The following PDILT variants were observed in gnomAD, a reference collection of about 807,000 sequenced individuals.
The protein encoded by PDILT is protein disulfide-isomerase-like protein of the testis.
Under a neutral mutation model 53.7 loss-of-function variants are expected in PDILT, and 43 were observed. The ratio of observed to expected loss-of-function variants is 0.80; its 90% confidence interval spans 0.63 to 1.03. The LOEUF (loss-of-function observed/expected upper bound fraction) is 1.03, where lower values mean the gene tolerates loss of function less well. PDILT is among the 50% of genes least tolerant of loss of function. PDILT has a pLI of 0.00. For synonymous variants in PDILT, 282 were observed against 274.2 expected (o/e 1.03, Z -0.28); for missense variants, 727 against 712.3 (o/e 1.02, Z -0.24).
rs186271924 is a variant in PDILT, at chr16:20,364,498, G to A, written c.1237+922C>T. On this transcript the variant is annotated intron_variant, in intron 9 of 11. Coordinates refer to ENST00000302451, the MANE Select transcript of PDILT (RefSeq NM_174924.2). Reference sequence around the variant, plus strand: ...TGGGGTTCCCTGATCTGTGACATGGGGAAAACCACCATACCTTCCTCACAA... The same window carrying A: ...TGGGGTTCCCTGATCTGTGACATGGAGAAAACCACCATACCTTCCTCACAA... Among the ~76,000 whole-genome samples the A allele has an allele frequency of 5.7e-3, 873 of 152,240 alleles. 5 individuals carry two copies. Among genetic ancestry groups the A allele is most frequent in the African/African-American group, 0.02 (832 of 41,526 alleles).
At chr16:20,376,640 CAA>C (rs1966392842) in intron 3 of PDILT, among the ~76,000 whole-genome samples, 1 of 152,098 alleles carries the variant, frequency 6.6e-6, no homozygotes, top group Admixed American at 6.5e-5. Flanking sequence ...TTTAAAATCT[CAA>C]TAAAATATAA....
chr16:20,368,744 C>T (rs1239962807), intron 8 of PDILT, among the ~76,000 whole-genome samples: 1 of 152,032 alleles, frequency 6.6e-6, no homozygotes, highest in Non-Finnish European at 1.5e-5. Flanking sequence ...TACAGATGCA[C>T]ACCACCACAC....
intron 9 of PDILT, among the ~76,000 whole-genome samples, chr16:20,364,526 T>C (rs531482947): frequency 3.5e-3 from 540 of 152,310 alleles, no homozygotes; most frequent in Non-Finnish European, 6.7e-3. Flanking sequence ...CCTCACAAAC[T>C]TGTTACACAG....
chr16:20,375,494 A>G (rs559595527), intron 4 of PDILT, among the ~76,000 whole-genome samples: 1 of 152,358 alleles, frequency 6.6e-6, no homozygotes, highest in Admixed American at 6.5e-5. Context: ...GAATTAGGAC[A>G]CATGAGAAAC....
rs530209908 is a variant in PDILT at position 20,401,230 on chromosome 16, C to T, written c.-7-1923G>A. ...ATGATCTCAAGGTCCCAGAATTCAC[C>T]AGGTGTTATGCCACTTATCAGCCCG... On this transcript the variant is annotated intron_variant, in intron 1 of 11. Transcript: ENST00000302451. Among the ~76,000 whole-genome samples the T allele has an allele frequency of 9.2e-5, 14 of 152,330 alleles. No homozygotes were observed. In the South Asian group the frequency reaches 2.9e-3, roughly 32 times the overall value.
intron 8 of PDILT, among the ~76,000 whole-genome samples, chr16:20,369,200 T>C (rs1450124397): frequency 6.6e-6 from 1 of 152,244 alleles, no homozygotes; most frequent in East Asian, 1.9e-4. Flanking sequence ...AAGAGCCTCC[T>C]TTCAGAGTGC....
chr16:20,365,268 A>G, intron 9 of PDILT, 152 bp downstream of exon 9: 1 of 821,570 alleles, frequency 1.2e-6, no homozygotes, highest in Non-Finnish European at 2.0e-6. Context: ...TCCTGATAGC[A>G]TCTTGAGTCA....
chr16:20,360,869 C>T (rs935708442), intron 10 of PDILT, among the ~76,000 whole-genome samples: 4 of 152,334 alleles, frequency 2.6e-5, no homozygotes, highest in Non-Finnish European at 4.4e-5. Flanking sequence ...TGGATCAAAG[C>T]ACGGACTGTA....
At position 20,391,898 on chromosome 16, in the gene PDILT, C is replaced by T. The variant is rs1004340294; in HGVS notation, c.203-7047G>A. Among the ~76,000 whole-genome samples the T allele has an allele frequency of 4.6e-5, 7 of 151,514 alleles. No individual in the cohort carries two copies. The East Asian group carries it at 6.0e-4, about 13-fold the overall frequency. ...CAGGTGAAGGAGTGTAGGAAGGATA[C>T]TATGGAAGCTGCAAGTGCAAAGGCC... is the stretch of plus-strand genomic sequence containing the variant. On this transcript the variant is annotated intron_variant, in intron 2 of 11. Transcript: ENST00000302451.
intron 1 of PDILT, among the ~76,000 whole-genome samples, chr16:20,400,934 A>C (rs956372063): frequency 1.3e-5 from 2 of 152,252 alleles, no homozygotes; most frequent in African/African-American, 4.8e-5. Flanking sequence ...TGATGGCCTC[A>C]TAAATTTTAA....
chr16:20,374,317 T>G (rs1254120947), intron 5 of PDILT, among the ~76,000 whole-genome samples: 5 of 151,984 alleles, frequency 3.3e-5, no homozygotes, highest in Middle Eastern at 3.2e-3. Context: ...GAGGGAAGTG[T>G]TAGGATGTTG....
chr16:20,395,506 C>T (rs956532578), intron 2 of PDILT, among the ~76,000 whole-genome samples: 1 of 152,194 alleles, frequency 6.6e-6, no homozygotes, highest in Non-Finnish European at 1.5e-5. Flanking sequence ...ATAGAAGAAG[C>T]CTTGTCCCTG....
Position 20,369,709 on chromosome 16 carries a change from C to G in PDILT, c.919-20G>C. On this transcript the variant is annotated intron_variant, in intron 7 of 11. Transcript: ENST00000302451. ...AAGGATCTGCCAAAGAAAACAAAAC[C>G]CTTGTCTCTCTGGATCCTTTGCCAG... is the stretch of plus-strand genomic sequence containing the variant. The G allele has an allele frequency of 6.2e-7, 1 of 1,612,596 alleles. No homozygotes were observed. The highest frequency in any genetic ancestry group is 1.1e-5 in the South Asian group (1 of 91,030).
chr16:20,396,825 C>T (rs1966667372), intron 2 of PDILT, among the ~76,000 whole-genome samples: 1 of 152,172 alleles, frequency 6.6e-6, no homozygotes, highest in Non-Finnish European at 1.5e-5. Context: ...ACTCATAGAG[C>T]CCACCCATTG....
intron 3 of PDILT, among the ~76,000 whole-genome samples, chr16:20,384,366 C>A (rs1966501846): frequency 6.6e-6 from 1 of 152,142 alleles, no homozygotes; most frequent in Non-Finnish European, 1.5e-5. Context: ...TAACAGAATT[C>A]TGGTCAATGG....
intron 10 of PDILT, among the ~76,000 whole-genome samples, chr16:20,361,158 T>C (rs1433705210): frequency 1.3e-5 from 2 of 151,742 alleles, no homozygotes; most frequent in Non-Finnish European, 2.9e-5. Flanking sequence ...TGGTACATGG[T>C]CAGTGCTCCA....
chr16:20,385,560 T>C (rs2141611821), intron 2 of PDILT, among the ~76,000 whole-genome samples: 1 of 152,170 alleles, frequency 6.6e-6, no homozygotes, highest in Non-Finnish European at 1.5e-5. Flanking sequence ...TGCAGAGTGG[T>C]ATAATGGACA....
intron 5 of PDILT, among the ~76,000 whole-genome samples, chr16:20,374,390 G>A (rs1567323837): frequency 6.6e-6 from 1 of 152,092 alleles, no homozygotes. Flanking sequence ...TGGAGCAAGA[G>A]AAAACACTGG....
chr16:20,385,672 T>C (rs1966524846), intron 2 of PDILT, among the ~76,000 whole-genome samples: 1 of 151,840 alleles, frequency 6.6e-6, no homozygotes, highest in Admixed American at 6.6e-5. Context: ...TGCACTAAAA[T>C]CTCAGACCTC....
Sources: gnomAD v4.1 joint callset for allele counts (sites outside exome capture counted in the v4.1 genomes callset) on GRCh38, gnomAD v4.1.1 for gene constraint, MANE v1.5 for transcripts, NCBI Gene and HGNC (gene_info 2026-07-23, HGNC 2026-07-21) for gene names.